The following NQO1 variants were observed in gnomAD, a reference collection of about 807,000 sequenced individuals.
The protein encoded by NQO1 is NAD(P)H quinone dehydrogenase 1, also known as NAD(P)H dehydrogenase [quinone] 1.
NQO1 carries 30 observed loss-of-function variants against 32.1 expected under a neutral mutation model. The observed-to-expected ratio is 0.94, with a 90% CI of 0.70 to 1.27. The LOEUF (loss-of-function observed/expected upper bound fraction) is 1.27. Among genes scored for constraint, NQO1 ranks in the 50% most tolerant of loss-of-function variants. The probability of loss-of-function intolerance (pLI) is 0.00; values close to 1 mark genes in which losing one functional copy is unlikely to be tolerated. For missense variants in NQO1, 276 were observed against 331.3 expected, an observed-to-expected ratio of 0.83 and a Z score of 1.30; for synonymous variants, 109 against 119.7, an observed-to-expected ratio of 0.91 and a Z score of 0.59.
In NQO1 at chr16:69,726,548, G is replaced by C; in HGVS notation, c.-109C>G. 1 of 1,481,438 alleles carries C rather than the reference G, an allele frequency of 6.8e-7. No individual in the cohort carries two copies. The highest frequency in any genetic ancestry group is 9.2e-7 in the Non-Finnish European group (1 of 1,090,888). 91.8% of individuals were successfully genotyped at this position (1,481,438 alleles called of 1,614,324 possible). On this transcript the variant is annotated 5_prime_UTR_variant, in exon 1 of 6. Transcript: ENST00000320623. ...TGGGCGGCTCCGGCTGCAACCTTGT[G>C]GGAGTCGCGTGTGTAGTGCACGGTG...
intron 3 of NQO1, chr16:69,717,918 T>G: frequency 1.3e-6 from 1 of 768,782 alleles, no homozygotes; most frequent in Non-Finnish European, 2.0e-6. Context: ...GCCTTGCAGT[T>G]GCATTTACAC....
intron 3 of NQO1, 116 bp from the exon 4 acceptor site, chr16:69,715,193 C>A: frequency 1.4e-6 from 1 of 735,898 alleles, no homozygotes; most frequent in Non-Finnish European, 2.4e-6. Flanking sequence ...CCTCTTCACA[C>A]CTTTCCCATT....
intron 1 of NQO1, among the ~76,000 whole-genome samples, chr16:69,724,502 T>C (rs1377522644): frequency 6.6e-6 from 1 of 151,654 alleles, no homozygotes; most frequent in African/African-American, 2.4e-5. Context: ...CAAAATTTTT[T>C]TTTTTTTTAA....
chr16:69,713,137 A>C lies in NQO1; in HGVS notation c.418-8T>G, dbSNP rs1380580228. On this transcript the variant is annotated splice_region_variant and splice_polypyrimidine_tract_variant and intron_variant, in intron 4 of 5. Coordinates refer to ENST00000320623, the MANE Select transcript of NQO1 (RefSeq NM_000903.3). ...AAGCACTGCCTTCTTACTCTGCAAA[A>C]GAAAAAGCAATAACAAACTTCACTT... 1.6e-5 allele frequency: 25 copies of C among 1,608,232 alleles called. No homozygotes were observed. The highest frequency in any genetic ancestry group is 2.0e-5 in the Non-Finnish European group (23 of 1,175,468).
Position 69,710,693 on chromosome 16 carries a change from T to C in NQO1, c.*283A>G, listed in dbSNP as rs2038026451. On this transcript the variant is annotated 3_prime_UTR_variant, in exon 6 of 6. Transcript: ENST00000320623. ...AAAACTTTAGCCCTAAAAAGAGGAATTAAATTGTGTAGATGCCTTTAAAGA... is the reference window on the plus strand; with the variant it reads ...AAAACTTTAGCCCTAAAAAGAGGAACTAAATTGTGTAGATGCCTTTAAAGA... 2.6e-6 allele frequency: 1 copy of C among 377,584 alleles called. No individual in the cohort carries two copies. 23.4% of individuals were successfully genotyped at this position (377,584 alleles called of 1,614,324 possible).
chr16:69,720,903 CAG>C lies in NQO1; in HGVS notation c.8-2371_8-2370del, dbSNP rs200066888. ...TTTTTTTCTTTTTCTCTTTCTGAGA[CAG>C]GGTCTCGATCTGTTGCCCAGGCTGG... On this transcript the variant is annotated intron_variant, in intron 1 of 5. Transcript: ENST00000320623. Among the ~76,000 whole-genome samples, 10 of 147,850 alleles carry C rather than the reference CAG, an allele frequency of 6.8e-5. No homozygotes were observed. In the East Asian group the frequency reaches 1.9e-3, roughly 27 times the overall value.
At chr16:69,712,984 C>T (rs763147508) in intron 5 of NQO1, 44 bp downstream of exon 5, 28 of 1,513,930 alleles carry the variant, frequency 1.8e-5, no homozygotes, top group Non-Finnish European at 2.6e-5. Flanking sequence ...CAGAGTGAGA[C>T]TCCGTCTCAA....
chr16:69,723,523 C>T (rs975003750), intron 1 of NQO1, among the ~76,000 whole-genome samples: 2 of 151,986 alleles, frequency 1.3e-5, no homozygotes, highest in Non-Finnish European at 2.9e-5. Flanking sequence ...GTGGGTGGGT[C>T]GCGGTGGCTC....
intron 1 of NQO1, among the ~76,000 whole-genome samples, chr16:69,719,550 C>T (rs1172654369): frequency 4.0e-5 from 6 of 151,024 alleles, no homozygotes; most frequent in East Asian, 2.0e-4. Flanking sequence ...CTGAGGCGGG[C>T]AGGTCACGAG....
intron 3 of NQO1, among the ~76,000 whole-genome samples, chr16:69,717,080 TAA>T (rs1291662368): frequency 3.4e-5 from 4 of 116,758 alleles, no homozygotes; most frequent in Admixed American, 9.0e-5. Flanking sequence ...ATTGAATAAC[TAA>T]AAAAAAAAAA....
intron 5 of NQO1, among the ~76,000 whole-genome samples, chr16:69,712,164 T>C (rs571421653): frequency 1.4e-4 from 21 of 152,148 alleles, no homozygotes; most frequent in African/African-American, 3.9e-4. Flanking sequence ...CATAGCTCAT[T>C]GCAGCCTCGA....
chr16:69,724,544 C>CA (rs957497066), intron 1 of NQO1, among the ~76,000 whole-genome samples: 12 of 149,618 alleles, frequency 8.0e-5, no homozygotes, highest in South Asian at 2.1e-4. Flanking sequence ...CTGCTCTGAC[C>CA]AAAAAAAATT....
intron 4 of NQO1, among the ~76,000 whole-genome samples, chr16:69,713,801 T>C (rs1397705736): frequency 6.6e-6 from 1 of 151,496 alleles, no homozygotes; most frequent in African/African-American, 2.4e-5. Flanking sequence ...GTCTCCCGGG[T>C]TCAAGTGATT....
chr16:69,725,000 A>G (rs2038242007), intron 1 of NQO1, among the ~76,000 whole-genome samples: 1 of 152,230 alleles, frequency 6.6e-6, no homozygotes, highest in Non-Finnish European at 1.5e-5. Flanking sequence ...AAGTCAGGAA[A>G]TAGTTCCTGC....
intron 3 of NQO1, 64 bp from the exon 4 acceptor site, chr16:69,715,141 G>A (rs2038097054): frequency 2.4e-6 from 3 of 1,250,612 alleles, no homozygotes; most frequent in Non-Finnish European, 3.5e-6. Flanking sequence ...AGGTGGCTCG[G>A]AGTGCTGAGC....
chr16:69,713,241 G>T (rs1219753723), intron 4 of NQO1, 112 bp from the exon 5 acceptor site: 1 of 804,864 alleles, frequency 1.2e-6, no homozygotes, highest in African/African-American at 1.7e-5. Context: ...CCTATTTGCT[G>T]TTTATATTAC....
intron 5 of NQO1, 80 bp downstream of exon 5, chr16:69,712,948 G>T: frequency 8.7e-7 from 1 of 1,147,456 alleles, no homozygotes; most frequent in Non-Finnish European, 1.3e-6. Context: ...AACTAAGATG[G>T]TGTCACTGCA....
At chr16:69,713,813 T>C (rs978982418) in intron 4 of NQO1, among the ~76,000 whole-genome samples, 15 of 152,026 alleles carry the variant, frequency 9.9e-5, no homozygotes, top group African/African-American at 3.6e-4. Flanking sequence ...CAAGTGATTC[T>C]CCTGCCTCAG....
At chr16:69,712,501 G>A (rs2038054347) in intron 5 of NQO1, among the ~76,000 whole-genome samples, 1 of 152,278 alleles carries the variant, frequency 6.6e-6, no homozygotes, top group South Asian at 2.1e-4. Context: ...TCCTTGGCTG[G>A]GACAGAATGC....
Sources: gnomAD v4.1 joint callset for allele counts (sites outside exome capture counted in the v4.1 genomes callset) on GRCh38, gnomAD v4.1.1 for gene constraint, MANE v1.5 for transcripts, NCBI Gene and HGNC (gene_info 2026-07-23, HGNC 2026-07-21) for gene names.